TNRC6B: variants seen among roughly 807,000 people sequenced by gnomAD.
TNRC6B encodes trinucleotide repeat-containing gene 6B protein.
TNRC6B carries 52 observed loss-of-function variants against 203.6 expected under a neutral mutation model. The ratio of observed to expected loss-of-function variants is 0.26; its 90% CI spans 0.20 to 0.32. The LOEUF is 0.32. Among genes scored for constraint, TNRC6B ranks in the 10% least tolerant of loss-of-function variants. TNRC6B has a pLI of 1.00. For missense variants in TNRC6B, 1,923 were observed against 2,286.2 expected (o/e 0.84, Z 3.24); for synonymous variants, 838 against 845.7 (o/e 0.99, Z 0.16).
At position 40,330,575 on chromosome 22, in the gene TNRC6B, T is replaced by C. The variant is rs2071454444; in HGVS notation, c.*7334T>C. 1 of 152,686 alleles carries C rather than the reference T, an allele frequency of 6.5e-6. No individual in the cohort carries two copies. The highest frequency in any genetic ancestry group is 6.5e-5 in the Admixed American group (1 of 15,280). 9.5% of individuals were successfully genotyped at this position (152,686 alleles called of 1,614,324 possible). On this transcript the variant is annotated 3_prime_UTR_variant, in exon 23 of 23. Coordinates refer to ENST00000454349, the MANE Select transcript of TNRC6B (RefSeq NM_001162501.2). ...AGTTACATACCTTTTAAAGGTAGTA[T>C]AGTTTCTCACCAAGTGATGCATTTT...
chr22:40,317,495 T>C (rs1601519490), intron 21 of TNRC6B, among the ~76,000 whole-genome samples: 1 of 152,294 alleles, frequency 6.6e-6, no homozygotes, highest in East Asian at 1.9e-4. Flanking sequence ...GGAGAATCAC[T>C]TGAACCTAGG....
intron 1 of TNRC6B, among the ~76,000 whole-genome samples, chr22:40,079,679 C>T (rs2068049316): frequency 6.6e-6 from 1 of 151,940 alleles, no homozygotes; most frequent in Non-Finnish European, 1.5e-5. Flanking sequence ...AGTACAGTGG[C>T]ACAATCATAG....
At chr22:40,060,323 T>C (rs2067839320) in intron 1 of TNRC6B, among the ~76,000 whole-genome samples, 1 of 152,036 alleles carries the variant, frequency 6.6e-6, no homozygotes, top group Admixed American at 6.5e-5. Context: ...TGAGTTCAGG[T>C]GTGTGCCACC....
intron 3 of TNRC6B, among the ~76,000 whole-genome samples, chr22:40,141,329 C>A (rs1456976698): frequency 2.6e-5 from 4 of 151,296 alleles, no homozygotes; most frequent in Admixed American, 2.0e-4. Flanking sequence ...CCTTAGCTTC[C>A]CAAGTAGTTG....
chr22:40,060,875 A>G (rs2067843918), intron 1 of TNRC6B, among the ~76,000 whole-genome samples: 5 of 152,218 alleles, frequency 3.3e-5, no homozygotes. Context: ...GGTACCTAGC[A>G]TGAACCAAAA....
At position 40,266,429 on chromosome 22, in the gene TNRC6B, A is replaced by T; in HGVS notation, c.2199A>T (p.Gly733=). Residue 733 remains glycine, a synonymous_variant, in exon 5 of 23, where the codon GGA becomes GGT. Coordinates refer to ENST00000454349, the MANE Select transcript of TNRC6B (RefSeq NM_001162501.2). ...NENPSKDQGW[G]GGRQPNQGWS... is the part of the protein sequence containing the mutation. ...ATCCCAGCAAGGATCAGGGGTGGGG[A>T]GGTGGACGCCAGCCCAATCAAGGAT... 1 of 1,613,840 alleles carries T rather than the reference A, an allele frequency of 6.2e-7. No individual in the cohort carries two copies. Among genetic ancestry groups the T allele is most frequent in the Non-Finnish European group, 8.5e-7 (1 of 1,179,842 alleles).
intron 7 of TNRC6B, 67 bp downstream of exon 7, chr22:40,273,667 T>G: frequency 1.4e-6 from 2 of 1,443,976 alleles, no homozygotes; most frequent in South Asian, 1.4e-5. Context: ...GGTTTTGTTT[T>G]GTTTGTTTTT....
chr22:40,061,602 T>C (rs1004639392), intron 1 of TNRC6B, among the ~76,000 whole-genome samples: 1 of 142,800 alleles, frequency 7.0e-6, no homozygotes, highest in African/African-American at 2.8e-5. Flanking sequence ...CTTGCTCATA[T>C]ATTATTTATT....
At chr22:40,209,405 A>G (rs1232851668) in intron 1 of TNRC6B, among the ~76,000 whole-genome samples, 1 of 152,190 alleles carries the variant, frequency 6.6e-6, no homozygotes, top group Non-Finnish European at 1.5e-5. Context: ...TTATCTCACC[A>G]TAAGAACATG....
Position 40,283,901 on chromosome 22 carries a change from T to G in TNRC6B, c.3583-1744T>G, listed in dbSNP as rs529858802. On this transcript the variant is annotated intron_variant, in intron 11 of 22. Coordinates refer to ENST00000454349, the MANE Select transcript of TNRC6B (RefSeq NM_001162501.2). ...CCAAAAAATGGATTCTGGCAGGAAC[T>G]TTAGTTACCAGTAACCCCACCGTCC... 3.9e-4 allele frequency among the ~76,000 whole-genome samples: 60 copies of G among 152,368 alleles called. No homozygotes were observed. The South Asian group carries it at 0.012, about 30-fold the overall frequency.
At chr22:40,098,566 T>C (rs1021861352) in intron 1 of TNRC6B, among the ~76,000 whole-genome samples, 1 of 152,168 alleles carries the variant, frequency 6.6e-6, no homozygotes, top group African/African-American at 2.4e-5. Context: ...TTGTTCTAAG[T>C]CATAGAAAAG....
intron 1 of TNRC6B, among the ~76,000 whole-genome samples, chr22:40,198,819 A>G (rs1489272374): frequency 1.3e-5 from 2 of 152,142 alleles, no homozygotes; most frequent in African/African-American, 4.8e-5. Flanking sequence ...GTGTGCACAT[A>G]CATACGCACA....
intron 1 of TNRC6B, among the ~76,000 whole-genome samples, chr22:40,236,366 C>T (rs945524169): frequency 6.6e-6 from 1 of 152,188 alleles, no homozygotes; most frequent in African/African-American, 2.4e-5. Context: ...TTGGGAGTGG[C>T]TTTTCTCATT....
intron 1 of TNRC6B, among the ~76,000 whole-genome samples, chr22:40,194,943 T>TA (rs1349159901): frequency 1.3e-5 from 2 of 152,248 alleles, no homozygotes; most frequent in African/African-American, 4.8e-5. Context: ...ACTCAGGGTC[T>TA]AGGCCCTTTG....
In TNRC6B at chr22:40,331,827, C is replaced by A. The variant is rs1447301284; in HGVS notation, c.*8586C>A. 2.7e-6 allele frequency: 1 copy of A among 366,202 alleles called. No homozygotes were observed. The highest frequency in any genetic ancestry group is 1.4e-4 in the South Asian group (1 of 6,904). 22.7% of individuals were successfully genotyped at this position (366,202 alleles called of 1,614,324 possible). On this transcript the variant is annotated 3_prime_UTR_variant, in exon 23 of 23. Coordinates refer to ENST00000454349, the MANE Select transcript of TNRC6B (RefSeq NM_001162501.2). ...CTTCAGTTTCTGTGTCCATGGTGTC[C>A]CCGTGTCCTGGAGGGGAAGGGGAGT...
chr22:40,243,642 T>C (rs1183655792), intron 1 of TNRC6B, among the ~76,000 whole-genome samples: 19 of 152,244 alleles, frequency 1.2e-4, no homozygotes, highest in Admixed American at 1.2e-3. Flanking sequence ...TGGAGTACAA[T>C]GGTGTGATCT....
At chr22:40,082,224 A>G (rs955371359) in intron 1 of TNRC6B, among the ~76,000 whole-genome samples, 8 of 152,216 alleles carry the variant, frequency 5.3e-5, no homozygotes, top group Admixed American at 2.6e-4. Context: ...GTTATATGCT[A>G]TGAAGAAAAT....
chr22:40,304,055 A>G (rs1163727259), intron 15 of TNRC6B, among the ~76,000 whole-genome samples: 1 of 152,218 alleles, frequency 6.6e-6, no homozygotes, highest in African/African-American at 2.4e-5. Context: ...AAATTAAAAA[A>G]TTTTTTCTAA....
Position 40,132,491 on chromosome 22 carries a change from A to AG in TNRC6B, c.45+6631dup, listed in dbSNP as rs1555884608. The stretch of plus-strand genomic sequence containing the variant: ...GTGAAACTCCATCTCAATAAAGGCG[A>AG]GGCGAGGGCGAGGGCGAGGGCGAGG... On this transcript the variant is annotated intron_variant, in intron 3 of 23. Coordinates refer to the TNRC6B transcript ENST00000301923. Among the ~76,000 whole-genome samples, 838 of 89,470 alleles carry AG rather than the reference A, an allele frequency of 9.4e-3. 9 individuals carry two copies. The highest frequency in any genetic ancestry group is 0.032 in the African/African-American group (796 of 24,738). The allele number at this position is 89,470 out of a possible 152,430, so 58.7% of individuals were successfully genotyped here. A position where few individuals can be genotyped will look rare whatever the true frequency, so the allele number is the denominator to read the frequency against.
Sources: gnomAD v4.1 joint callset for allele counts (sites outside exome capture counted in the v4.1 genomes callset) on GRCh38, gnomAD v4.1.1 for gene constraint, MANE v1.5 for transcripts, NCBI Gene and HGNC (gene_info 2026-07-23, HGNC 2026-07-21) for gene names.